Variants in NBPF26 observed in about 807,000 individuals in gnomAD.
NBPF26 encodes NBPF member 26.
In NBPF26, 79 loss-of-function variants were observed where a neutral mutation model predicts 119.6. The ratio of observed to expected loss-of-function variants is 0.66; its 90% CI spans 0.55 to 0.80. NBPF26 has a LOEUF of 0.80. Among genes scored for constraint, NBPF26 ranks in the 30% least tolerant of loss-of-function variants. NBPF26 has a pLI of 0.00. For synonymous variants in NBPF26, 299 were observed against 457.7 expected (o/e 0.65, Z 4.43); for missense variants, 800 against 1,198.2 (o/e 0.67, Z 4.91).
chr1:120,785,101 G>C lies in NBPF26; in HGVS notation c.283G>C (p.Gly95Arg), dbSNP rs1305513404. The C allele has an allele frequency of 3.8e-5, 55 of 1,446,236 alleles. 12 individuals are homozygous for C. In the Admixed American group the frequency reaches 1.1e-3, roughly 28 times the overall value. The allele number at this position is 1,446,236 out of a possible 1,614,324, so 89.6% of individuals were successfully genotyped here. ...GAAAGCCACGTGCCGGTGTGCCTCA[G>C]GGTTTACAGGAGAGGACTGCCAGTA... Residue 95 changes from glycine (G) to arginine (R), a missense_variant, in exon 3 of 30, where the codon GGG becomes CGG. Coordinates refer to ENST00000620612, the Ensembl canonical transcript of NBPF26.
intron 1 of NBPF26, among the ~76,000 whole-genome samples, chr1:120,730,504 C>A (rs1650863861): frequency 1.1e-5 from 1 of 87,094 alleles, no homozygotes; most frequent in Non-Finnish European, 2.0e-5. Context: ...GGCTTCAGAT[C>A]TGAAAGGATA....
intron 5 of NBPF26, among the ~76,000 whole-genome samples, chr1:120,806,050 C>A (rs1443901181): frequency 9.6e-6 from 1 of 104,524 alleles, no homozygotes; most frequent in Non-Finnish European, 1.8e-5. Context: ...GGGGCTCAAT[C>A]ATGTTTTTAA....
intron 1 of NBPF26, among the ~76,000 whole-genome samples, chr1:120,758,210 T>C (rs1233027203): frequency 8.2e-6 from 1 of 121,704 alleles, no homozygotes. Flanking sequence ...TAAGGTAAGC[T>C]CTGATCTGGA....
intron 10 of NBPF26, among the ~76,000 whole-genome samples, chr1:120,813,195 C>T (rs1432528037): frequency 2.5e-5 from 3 of 122,006 alleles, no homozygotes; most frequent in Admixed American, 1.5e-4. Context: ...ATAATACCTA[C>T]CTCTGTAAAT....
chr1:120,840,745 G>A (rs1441219732), downstream of NBPF26: 22 of 1,136,890 alleles, frequency 1.9e-5, 1 homozygote, highest in East Asian at 4.3e-4. Flanking sequence ...CATGCCAGTG[G>A]CAACCTGTGC....
At chr1:120,801,521 TAA>T (rs1193360933) in intron 4 of NBPF26, among the ~76,000 whole-genome samples, 7 of 61,028 alleles carry the variant, frequency 1.1e-4, no homozygotes, top group Admixed American at 3.2e-4. Context: ...GTATTTTCAT[TAA>T]AAAAAAAAAA....
chr1:120,820,448 ATATATATATAT>A (rs1478331822), intron 15 of NBPF26, among the ~76,000 whole-genome samples: 12 of 2,288 alleles, frequency 5.2e-3, no homozygotes, highest in Non-Finnish European at 4.4e-3. Flanking sequence ...AGTATTAAAA[ATATATATATAT>A]ATATATATAT....
chr1:120,806,599 A>G (rs1651691546), intron 5 of NBPF26, among the ~76,000 whole-genome samples: 1 of 125,736 alleles, frequency 8.0e-6, no homozygotes, highest in Admixed American at 7.7e-5. Context: ...CAAAAAACAA[A>G]CAAACAAAAC....
At chr1:120,811,197 A>G (rs1455260644) in intron 9 of NBPF26, among the ~76,000 whole-genome samples, 79,732 of 101,476 alleles carry the variant, frequency 0.79, 35,785 homozygotes, top group African/African-American at 0.9. Context: ...GCAGTGAGCC[A>G]AGATTGTGCC....
chr1:120,759,695 CT>C (rs1651112911), intron 1 of NBPF26, among the ~76,000 whole-genome samples: 1 of 110,400 alleles, frequency 9.1e-6, no homozygotes, highest in South Asian at 2.5e-4. Flanking sequence ...GATTATTTTT[CT>C]TTTTTTAAAA....
intron 1 of NBPF26, among the ~76,000 whole-genome samples, chr1:120,724,824 C>T (rs1463628267): frequency 5.5e-5 from 5 of 90,192 alleles, no homozygotes; most frequent in South Asian, 3.6e-4. Context: ...ACCGAAAGTC[C>T]GGGGGAGCCG....
intron 24 of NBPF26, among the ~76,000 whole-genome samples, 192 bp downstream of exon 28, chr1:120,833,967 T>G (rs1205110205): frequency 8.0e-4 from 51 of 64,040 alleles, no homozygotes; most frequent in Admixed American, 3.2e-3. Context: ...TGAGCAAGGC[T>G]CTCTTCCTAG....
rs1402881117 is a variant in NBPF26, at chr1:120,768,620, CA to C, written c.155+4915del. On this transcript the variant is annotated intron_variant, in intron 2 of 29. Coordinates refer to ENST00000620612, the Ensembl canonical transcript of NBPF26. ...GTACCTTCACGATAAAAAAAAAAAA[CA>C]AAACTGTAAATGTGGGTTTCATATA... 4.6e-5 allele frequency among the ~76,000 whole-genome samples: 5 copies of C among 108,262 alleles called. 2 individuals carry two copies. Among genetic ancestry groups the C allele is most frequent in the African/African-American group, 2.8e-4 (5 of 17,582 alleles). 71.0% of individuals were successfully genotyped at this position (108,262 alleles called of 152,430 possible).
chr1:120,790,008 AC>A (rs1280914765), intron 3 of NBPF26, among the ~76,000 whole-genome samples: 1 of 61,860 alleles, frequency 1.6e-5, no homozygotes, highest in Admixed American at 1.7e-4. Flanking sequence ...GATTCTGATC[AC>A]CTTTTTTTTT....
exon 9 of NBPF26, chr1:120,810,409 C>T (rs1651832030): frequency 1.3e-6 from 2 of 1,589,298 alleles, no homozygotes; most frequent in South Asian, 1.1e-5. Context: ...TGTGCCATCA[C>T]TTGTTCAAAT....
chr1:120,806,379 G>A (rs1185983455), intron 5 of NBPF26, among the ~76,000 whole-genome samples: 2 of 107,954 alleles, frequency 1.9e-5, no homozygotes, highest in Non-Finnish European at 3.6e-5. Context: ...CAGAGCACGA[G>A]GTCAGCAGTT....
chr1:120,724,383 G>C (rs1650791654), intron 1 of NBPF26, 133 bp downstream of exon 1: 2 of 1,347,986 alleles, frequency 1.5e-6, no homozygotes, highest in Non-Finnish European at 1.9e-6. Context: ...CCACTCGCTG[G>C]GTTCCCAAGA....
At position 120,724,218 on chromosome 1, in the gene NBPF26, C is replaced by T. The variant is rs1353903876; in HGVS notation, c.41C>T (p.Ala14Val). The T allele has an allele frequency of 2.1e-6, 3 of 1,406,632 alleles. 1 individual carries two copies. Among genetic ancestry groups the T allele is most frequent in the Admixed American group, 4.1e-5 (2 of 48,716 alleles). The allele number at this position is 1,406,632 out of a possible 1,614,324, so 87.1% of individuals were successfully genotyped here. The change falls in exon 1 of 30, where the codon GCG (alanine) becomes GTG (valine). Residue 14 changes from alanine to valine, a missense_variant. Ala to Val is a moderately conservative substitution (Grantham distance 64, BLOSUM62 0). Transcript: ENST00000620612. ...CCCGCTCTGCTGTGGGCGCTGCTGGCGCTCTGGCTGTGCTGGGCGGCCCCC... is the reference window on the plus strand; with the variant it reads ...CCCGCTCTGCTGTGGGCGCTGCTGGTGCTCTGGCTGTGCTGGGCGGCCCCC...
rs1553270996 is a variant in NBPF26, at chr1:120,811,664, G to A, written c.1565-222G>A. On this transcript the variant is annotated intron_variant, in intron 9 of 29. Coordinates refer to ENST00000620612, the Ensembl canonical transcript of NBPF26. ...AGCCTTGCTTTATAGAAACGTATAA[G>A]CAAGAAAAGTGTAGAAGTGTTTATG... is the stretch of plus-strand genomic sequence containing the variant. 8.8e-5 allele frequency among the ~76,000 whole-genome samples: 10 copies of A among 113,892 alleles called. 3 individuals carry two copies. Among genetic ancestry groups the A allele is most frequent in the Non-Finnish European group, 1.4e-4 (8 of 58,104 alleles). 74.7% of individuals were successfully genotyped at this position (113,892 alleles called of 152,430 possible). A position where few individuals can be genotyped will look rare whatever the true frequency, so the allele number is the denominator to read the frequency against.
Sources: allele counts gnomAD v4.1 joint callset (sites outside exome capture counted in the v4.1 genomes callset), GRCh38; gene constraint gnomAD v4.1.1; transcripts MANE v1.5; gene names NCBI Gene and HGNC (gene_info 2026-07-23, HGNC 2026-07-21).